The following NVL variants were observed in gnomAD, a reference collection of about 807,000 sequenced individuals.
The protein encoded by NVL is nuclear VCP like.
A neutral mutation model predicts 110.2 loss-of-function variants in NVL; 84 were observed. That is an observed-to-expected ratio of 0.76 (90% CI 0.64 to 0.91). The LOEUF (loss-of-function observed/expected upper bound fraction) is 0.91, where lower values mean the gene tolerates loss of function less well. Among genes scored for constraint, NVL ranks in the 40% least tolerant of loss-of-function variants. The probability of loss-of-function intolerance (pLI) is 0.00; values close to 1 mark genes in which losing one functional copy is unlikely to be tolerated. For synonymous variants in NVL, 354 were observed against 361.1 expected (o/e 0.98, Z 0.22); for missense variants, 882 against 1,035.9 (o/e 0.85, Z 2.04).
At chr1:224,229,554 C>T (rs1467769211) in intron 22 of NVL, among the ~76,000 whole-genome samples, 1 of 151,966 alleles carries the variant, frequency 6.6e-6, no homozygotes, top group East Asian at 1.9e-4. Flanking sequence ...TCTGCTTCAG[C>T]CTCCTGAGTA....
chr1:224,294,309 C>T lies in NVL; in HGVS notation c.1283G>A (p.Arg428Gln), dbSNP rs753321668. 32 of 1,614,006 alleles carry T rather than the reference C, an allele frequency of 2.0e-5. No homozygotes were observed. The highest frequency in any genetic ancestry group is 6.7e-5 in the African/African-American group (5 of 74,890). The change falls in exon 12 of 23, where the codon CGA becomes CAA. Residue 428 changes from arginine to glutamine, a missense_variant. Physicochemically the swap from Arg to Gln is conservative, Grantham distance 43. This residue lies in a region of NVL where 416 missense variants were observed against 499.3 expected (regional missense o/e 0.83). Transcript: ENST00000281701. The part of the protein sequence containing the change: ...PALRRAGRFD[R>Q]EICLGIPDEA... ...ATCTGGGATACCTAGGCATATTTCT[C>T]GGTCGAACCTTCCCGCACGTCTCAA... is the stretch of plus-strand genomic sequence containing the variant.
At chr1:224,326,740 A>C (rs73118062) in intron 1 of NVL, among the ~76,000 whole-genome samples, 5 of 152,216 alleles carry the variant, frequency 3.3e-5, no homozygotes, top group Admixed American at 2.6e-4. Context: ...CTAGGTTTCC[A>C]AACACCCCAG....
In NVL at chr1:224,272,800, C is replaced by T. The variant is rs930651620; in HGVS notation, c.2082+2539G>A. On this transcript the variant is annotated intron_variant, in intron 17 of 22. Coordinates refer to ENST00000281701, the MANE Select transcript of NVL (RefSeq NM_002533.4). ...CTGTAATCCCAGCACTTTGGGAGGC[C>T]GAGGCGGGCGGATCGCGAGGTCAGG... 5.3e-5 allele frequency among the ~76,000 whole-genome samples: 8 copies of T among 151,402 alleles called. No individual in the cohort carries two copies. In the South Asian group the frequency reaches 1.0e-3, roughly 20 times the overall value.
At chr1:224,279,578 C>A (rs1349726934) in intron 16 of NVL, among the ~76,000 whole-genome samples, 2 of 152,284 alleles carry the variant, frequency 1.3e-5, no homozygotes, top group African/African-American at 4.8e-5. Flanking sequence ...AGAGATATAA[C>A]AGTTATAAAC....
intron 8 of NVL, among the ~76,000 whole-genome samples, chr1:224,304,320 G>A (rs1411727961): frequency 6.6e-6 from 1 of 152,148 alleles, no homozygotes; most frequent in Admixed American, 6.5e-5. Context: ...AACTACTCGG[G>A]TGGCTGAGGC....
In NVL at chr1:224,294,382, C is replaced by T. The variant is rs34631151; in HGVS notation, c.1210G>A (p.Val404Ile). ...CGATTAGTAGCTCCAATAACTAGGA[C>T]CCGGGCTGTAGCAGCCACATTATTC... ...DLNNVAATARVLVIGATNRPD... is the reference protein window; with the variant it reads ...DLNNVAATARILVIGATNRPD... The change falls in exon 12 of 23, where the codon GTC becomes ATC. Residue 404 changes from valine to isoleucine, a missense_variant. Val to Ile is a conservative substitution (Grantham distance 29, BLOSUM62 3). Around this residue, in one of 4 missense-constraint regions of NVL, gnomAD observed 416 missense variants for 499.3 expected, o/e 0.83. Coordinates refer to ENST00000281701, the MANE Select transcript of NVL (RefSeq NM_002533.4). 61,870 of 1,613,936 alleles carry T rather than the reference C, an allele frequency of 0.038. 1,423 individuals carry two copies. The highest frequency in any genetic ancestry group is 0.048 in the Middle Eastern group (289 of 6,060).
chr1:224,317,858 G>C lies in NVL; in HGVS notation c.184+20C>G, dbSNP rs1670246300. ...TTTGTATAACTTTATTGATAATTTA[G>C]CTCTAACAATAAGACTCACCTTTTT... is the stretch of plus-strand genomic sequence containing the variant. On this transcript the variant is annotated intron_variant, in intron 3 of 22. Transcript: ENST00000281701. The C allele has an allele frequency of 3.5e-6, 5 of 1,423,872 alleles. No individual in the cohort carries two copies. Among genetic ancestry groups the C allele is most frequent in the Admixed American group, 2.2e-5 (1 of 44,500 alleles). The allele number at this position is 1,423,872 out of a possible 1,614,324, so 88.2% of individuals were successfully genotyped here.
chr1:224,318,168 A>G (rs1436648706), intron 2 of NVL, among the ~76,000 whole-genome samples: 2 of 152,158 alleles, frequency 1.3e-5, no homozygotes, highest in African/African-American at 4.8e-5. Context: ...TTAAAATTTC[A>G]AAGTTACTAA....
chr1:224,234,185 T>C (rs968934439), intron 20 of NVL, among the ~76,000 whole-genome samples: 2 of 152,202 alleles, frequency 1.3e-5, no homozygotes, highest in African/African-American at 4.8e-5. Flanking sequence ...CCTTCACTTA[T>C]TTAATTAGTT....
chr1:224,273,856 T>C (rs1665449237), intron 17 of NVL, among the ~76,000 whole-genome samples: 1 of 152,148 alleles, frequency 6.6e-6, no homozygotes, highest in Non-Finnish European at 1.5e-5. Context: ...GATAAGCCTG[T>C]AGTAAGAATC....
chr1:224,281,851 G>C (rs1009433184), intron 15 of NVL, among the ~76,000 whole-genome samples: 1 of 150,882 alleles, frequency 6.6e-6, no homozygotes, highest in Non-Finnish European at 1.5e-5. Flanking sequence ...TACTCGAGAG[G>C]CTGAGACAGG....
chr1:224,247,291 G>A (rs1661960528), intron 19 of NVL, among the ~76,000 whole-genome samples: 1 of 151,760 alleles, frequency 6.6e-6, no homozygotes, highest in South Asian at 2.1e-4. Flanking sequence ...CTGCAGCCTC[G>A]ACTTCTTGGG....
intron 18 of NVL, 38 bp from the exon 19 acceptor site, chr1:224,250,356 C>T: frequency 6.7e-7 from 1 of 1,486,174 alleles, no homozygotes. Flanking sequence ...TAAATAAAAC[C>T]TTTTATTTTT....
At chr1:224,231,175 T>C (rs772982914) in intron 22 of NVL, 51 bp downstream of exon 22, 3 of 1,215,802 alleles carry the variant, frequency 2.5e-6, no homozygotes, top group East Asian at 4.7e-5. Context: ...TCATATCTAC[T>C]GGTCTAAAAT....
chr1:224,251,951 C>G (rs1662556551), intron 18 of NVL, among the ~76,000 whole-genome samples: 1 of 152,160 alleles, frequency 6.6e-6, no homozygotes, highest in South Asian at 2.1e-4. Flanking sequence ...TCCTAAAATA[C>G]ACGTCCAATT....
At chr1:224,288,421 G>C (rs1157790997) in intron 13 of NVL, among the ~76,000 whole-genome samples, 1 of 152,118 alleles carries the variant, frequency 6.6e-6, no homozygotes, top group Non-Finnish European at 1.5e-5. Context: ...CAACTAAGTA[G>C]AGGGAAGGCA....
chr1:224,306,493 C>T (rs1459213939), intron 6 of NVL, among the ~76,000 whole-genome samples: 2 of 152,118 alleles, frequency 1.3e-5, no homozygotes, highest in East Asian at 3.9e-4. Context: ...GTCTCAATCT[C>T]CTGACCTCAT....
At chr1:224,282,080 T>G (rs919330464) in intron 15 of NVL, among the ~76,000 whole-genome samples, 4 of 151,754 alleles carry the variant, frequency 2.6e-5, no homozygotes, top group African/African-American at 9.7e-5. Context: ...ATTTTTTTTT[T>G]TTTTTGAGAC....
chr1:224,307,191 A>C (rs1669009875), intron 6 of NVL, among the ~76,000 whole-genome samples: 1 of 152,194 alleles, frequency 6.6e-6, no homozygotes, highest in South Asian at 2.1e-4. Flanking sequence ...ACTTTAAGTT[A>C]ATAGCACATC....
Sources: gnomAD v4.1 joint callset for allele counts (sites outside exome capture counted in the v4.1 genomes callset) on GRCh38, gnomAD v4.1.1 for gene constraint, gnomAD v4.1.1 regional missense constraint, MANE v1.5 for transcripts, NCBI Gene and HGNC (gene_info 2026-07-23, HGNC 2026-07-21) for gene names.